Variants in ZNF732 observed in about 807,000 individuals in gnomAD.
The protein encoded by ZNF732 is zinc finger protein 732.
ZNF732 carries 12 observed loss-of-function variants against 11.5 expected under a neutral mutation model. The observed-to-expected ratio is 1.05, with a 90% CI of 0.67 to 1.70. The LOEUF is 1.70. Ranked by LOEUF, ZNF732 falls within the 40% of genes most tolerant of loss-of-function variation. The pLI, the probability that ZNF732 is intolerant of heterozygous loss-of-function variation, is 0.00. For missense variants in ZNF732, 702 were observed against 676.9 expected, an observed-to-expected ratio of 1.04 and a Z score of -0.41; for synonymous variants, 231 against 236.5, an observed-to-expected ratio of 0.98 and a Z score of 0.21.
chr4:278,928 A>C (rs1719557216), intron 3 of ZNF732, among the ~76,000 whole-genome samples: 1 of 152,028 alleles, frequency 6.6e-6, no homozygotes, highest in South Asian at 2.1e-4. Flanking sequence ...AAATATATAT[A>C]TCTCCTTTTC....
In ZNF732 at chr4:280,988, G is replaced by A. The variant is rs139530095; in HGVS notation, c.227-8358C>T. The stretch of plus-strand genomic sequence containing the variant: ...CAGAGAGAAACATCCATCTGTGCCC[G>A]AATGTAGGCTTGCCAATAATTATTT... On this transcript the variant is annotated intron_variant, in intron 3 of 3. Transcript: ENST00000419098. 5.1e-4 allele frequency among the ~76,000 whole-genome samples: 78 copies of A among 152,254 alleles called. 1 individual carries two copies. The highest frequency in any genetic ancestry group is 1.6e-3 in the African/African-American group (65 of 41,546).
At chr4:283,063 TTAA>T (rs1719649054) in intron 3 of ZNF732, among the ~76,000 whole-genome samples, 1 of 152,070 alleles carries the variant, frequency 6.6e-6, no homozygotes, top group Non-Finnish European at 1.5e-5. Flanking sequence ...TGTGAGAAAA[TTAA>T]TAAGTGAGGC....
intron 3 of ZNF732, among the ~76,000 whole-genome samples, chr4:285,174 T>C (rs2108655894): frequency 6.6e-6 from 1 of 150,782 alleles, no homozygotes; most frequent in Admixed American, 6.6e-5. Flanking sequence ...CAGGAAAGAG[T>C]GTTTGTGAGG....
At chr4:290,262 C>T (rs1303868508) in intron 3 of ZNF732, among the ~76,000 whole-genome samples, 5 of 152,218 alleles carry the variant, frequency 3.3e-5, no homozygotes, top group African/African-American at 1.2e-4. Flanking sequence ...GTGGCCAACT[C>T]AAGAGCCCAT....
intron 1 of ZNF732, 90 bp downstream of exon 1, chr4:305,218 T>G (rs906145383): frequency 1.7e-5 from 25 of 1,497,040 alleles, no homozygotes; most frequent in Non-Finnish European, 2.1e-5. Flanking sequence ...CAGCGGAGAC[T>G]CCGTTCGCAG....
rs975622105 is a variant in ZNF732 at position 301,555 on chromosome 4, C to T, written c.3+3753G>A. Among the ~76,000 whole-genome samples the T allele has an allele frequency of 3.9e-5, 6 of 152,152 alleles. No homozygotes were observed. In the South Asian group the frequency reaches 6.2e-4, roughly 16 times the overall value. On this transcript the variant is annotated intron_variant, in intron 1 of 3. Coordinates refer to ENST00000419098, the MANE Select transcript of ZNF732 (RefSeq NM_001137608.3). The stretch of plus-strand genomic sequence containing the variant: ...ATGCAGCCATAAAAAATGATGAGTT[C>T]GTGTCCTTTGTAGGGACATGGATGA...
Position 270,977 on chromosome 4 carries a change from G to T in ZNF732, c.*122C>A. On this transcript the variant is annotated 3_prime_UTR_variant, in exon 4 of 4. Coordinates refer to ENST00000419098, the MANE Select transcript of ZNF732 (RefSeq NM_001137608.3). ...TGAATTCTTACTTTCATTCAGGGTT[G>T]TGGACCATCCAAAAGCTTTGCCACA... 3 of 884,496 alleles carry T rather than the reference G, an allele frequency of 3.4e-6. No individual in the cohort carries two copies. Among genetic ancestry groups the T allele is most frequent in the Non-Finnish European group, 5.4e-6 (3 of 557,198 alleles). 54.8% of individuals were successfully genotyped at this position (884,496 alleles called of 1,614,324 possible).
At chr4:305,236 CCCG>C (rs1273291487) in intron 1 of ZNF732, 69 bp downstream of exon 1, 17 of 1,566,722 alleles carry the variant, frequency 1.1e-5, no homozygotes, top group South Asian at 3.5e-5. Context: ...CAGACTCCGT[CCCG>C]CCGCCGCCAT....
At chr4:281,453 G>C (rs1553839805) in intron 3 of ZNF732, among the ~76,000 whole-genome samples, 1 of 152,194 alleles carries the variant, frequency 6.6e-6, no homozygotes, top group African/African-American at 2.4e-5. Flanking sequence ...CACATTGATT[G>C]TATCAGCACC....
In ZNF732 at chr4:271,636, T is replaced by G; in HGVS notation, c.1221A>C (p.Glu407Asp). The change falls in exon 4 of 4, where the codon GAA becomes GAC. Residue 407 changes from glutamate to aspartate, a missense_variant. Coordinates refer to ENST00000419098, the MANE Select transcript of ZNF732 (RefSeq NM_001137608.3). The stretch of plus-strand genomic sequence containing the variant: ...TCTCTCCAGTATGAATTCTCTTATG[T>G]TCATTAAGGGTTGTGAACCGACTAA... ...KAFSRFTTLN[E>D]HKRIHTGERP... The G allele has an allele frequency of 6.2e-7, 1 of 1,611,022 alleles. No homozygotes were observed. The highest frequency in any genetic ancestry group is 8.5e-7 in the Non-Finnish European group (1 of 1,178,426).
chr4:295,825 C>T (rs1017404171), intron 2 of ZNF732, among the ~76,000 whole-genome samples: 1 of 152,114 alleles, frequency 6.6e-6, no homozygotes, highest in Admixed American at 6.6e-5. Flanking sequence ...ATGGAGGACA[C>T]AAATTAGCTC....
chr4:296,736 T>C (rs1719960745), intron 1 of ZNF732, among the ~76,000 whole-genome samples: 1 of 152,140 alleles, frequency 6.6e-6, no homozygotes, highest in Non-Finnish European at 1.5e-5. Context: ...TAGCTTCTTA[T>C]AGCAAGTCTT....
At position 270,686 on chromosome 4, in the gene ZNF732, T is replaced by G; in HGVS notation, c.*413A>C. The G allele has an allele frequency of 5.2e-6, 2 of 386,408 alleles. No individual in the cohort carries two copies. The highest frequency in any genetic ancestry group is 5.1e-6 in the Non-Finnish European group (1 of 196,488). 23.9% of individuals were successfully genotyped at this position (386,408 alleles called of 1,614,324 possible). A position where few individuals can be genotyped will look rare whatever the true frequency, so the allele number is the denominator to read the frequency against. ...TTGCCAGATTCCTTACATTTGTAGGTGTTCTCTCCATTATGAATTTTCTCA... is the reference window on the plus strand; with the variant it reads ...TTGCCAGATTCCTTACATTTGTAGGGGTTCTCTCCATTATGAATTTTCTCA... On this transcript the variant is annotated 3_prime_UTR_variant, in exon 4 of 4. Coordinates refer to ENST00000419098, the MANE Select transcript of ZNF732 (RefSeq NM_001137608.3).
chr4:302,814 TGGGA>T (rs1262204793), intron 1 of ZNF732, among the ~76,000 whole-genome samples: 1 of 152,224 alleles, frequency 6.6e-6, no homozygotes, highest in Admixed American at 6.5e-5. Flanking sequence ...CCCAGCACTT[TGGGA>T]GGCCGAGGTG....
chr4:277,863 G>A lies in ZNF732; in HGVS notation c.227-5233C>T, dbSNP rs533554439. On this transcript the variant is annotated intron_variant, in intron 3 of 3. Transcript: ENST00000419098. ...ATTAAATGGGATTGCTGGAACATAC[G>A]TTAGTCCTATTTTGTTTGTAGCTAA... 7.2e-5 allele frequency among the ~76,000 whole-genome samples: 11 copies of A among 152,012 alleles called. No homozygotes were observed. The South Asian group carries it at 1.7e-3, about 23-fold the overall frequency.
At chr4:291,993 A>G (rs1286910317) in intron 3 of ZNF732, among the ~76,000 whole-genome samples, 1 of 152,216 alleles carries the variant, frequency 6.6e-6, no homozygotes, top group African/African-American at 2.4e-5. Context: ...ACGTGGTGCC[A>G]GAAAAACTGG....
At chr4:278,771 G>C (rs1056068417) in intron 3 of ZNF732, among the ~76,000 whole-genome samples, 1 of 152,188 alleles carries the variant, frequency 6.6e-6, no homozygotes, top group Non-Finnish European at 1.5e-5. Context: ...GTCTGTGCAC[G>C]GAAGGGTGGC....
intron 3 of ZNF732, among the ~76,000 whole-genome samples, chr4:282,074 T>C (rs1220978126): frequency 6.6e-6 from 1 of 152,170 alleles, no homozygotes; most frequent in African/African-American, 2.4e-5. Flanking sequence ...AACAGAAAGC[T>C]TTAACAGGAG....
Position 297,141 on chromosome 4 carries a change from G to A in ZNF732, c.4-986C>T, listed in dbSNP as rs143260225. Among the ~76,000 whole-genome samples, 512 of 152,096 alleles carry A rather than the reference G, an allele frequency of 3.4e-3. 5 individuals are homozygous for A. In the East Asian group the frequency reaches 0.04, roughly 12 times the overall value. On this transcript the variant is annotated intron_variant, in intron 1 of 3. Coordinates refer to ENST00000419098, the MANE Select transcript of ZNF732 (RefSeq NM_001137608.3). ...AAATTAACCAGGCATAGTGGCGTGC[G>A]CCTGTAATCCCAGCTACTCAGGAGG...
Sources: gnomAD v4.1 joint callset for allele counts (sites outside exome capture counted in the v4.1 genomes callset) on GRCh38, gnomAD v4.1.1 for gene constraint, MANE v1.5 for transcripts, NCBI Gene and HGNC (gene_info 2026-07-23, HGNC 2026-07-21) for gene names.